Variants in ATF7IP2 observed in about 807,000 individuals in gnomAD.
ATF7IP2 encodes activating transcription factor 7 interacting protein 2, also known as activating transcription factor 7-interacting protein 2.
Under a neutral mutation model 64.2 loss-of-function variants are expected in ATF7IP2, and 42 were observed. That is an observed-to-expected ratio of 0.65 (90% CI 0.51 to 0.85). The LOEUF (loss-of-function observed/expected upper bound fraction) is 0.85. Ranked by LOEUF, ATF7IP2 falls within the 40% of genes least tolerant of loss-of-function variation. The probability of loss-of-function intolerance (pLI) is 0.00; values close to 1 mark genes in which losing one functional copy is unlikely to be tolerated. For missense variants in ATF7IP2, 933 were observed against 784.2 expected, an observed-to-expected ratio of 1.19 and a Z score of -2.27; for synonymous variants, 308 against 272.8, an observed-to-expected ratio of 1.13 and a Z score of -1.27.
At chr16:10,441,670 A>G (rs1321819305) in intron 8 of ATF7IP2, among the ~76,000 whole-genome samples, 2 of 152,198 alleles carry the variant, frequency 1.3e-5, no homozygotes, top group Non-Finnish European at 2.9e-5. Context: ...ATAGATTGCA[A>G]AAATTTTCTC....
chr16:10,402,696 T>C (rs2047558780), intron 1 of ATF7IP2, among the ~76,000 whole-genome samples: 1 of 152,100 alleles, frequency 6.6e-6, no homozygotes, highest in Non-Finnish European at 1.5e-5. Context: ...ACTCCTGAGC[T>C]CAAGTGATCC....
chr16:10,461,152 C>T (rs977326539), intron 9 of ATF7IP2, among the ~76,000 whole-genome samples: 3 of 152,016 alleles, frequency 2.0e-5, no homozygotes, highest in Non-Finnish European at 4.4e-5. Flanking sequence ...GATATCATTT[C>T]ATATCAGGTA....
At chr16:10,469,892 TAAA>T (rs34620633) in intron 9 of ATF7IP2, among the ~76,000 whole-genome samples, 34 of 147,038 alleles carry the variant, frequency 2.3e-4, no homozygotes, top group Non-Finnish European at 4.5e-4. Context: ...ATTGAAAGTT[TAAA>T]AAAAAAAAAA....
chr16:10,465,125 T>A (rs1306080848), intron 9 of ATF7IP2, among the ~76,000 whole-genome samples: 1 of 152,192 alleles, frequency 6.6e-6, no homozygotes, highest in Non-Finnish European at 1.5e-5. Flanking sequence ...CCACCACGCC[T>A]GTCCATCCTA....
Position 10,390,372 on chromosome 16 carries a change from G to A in ATF7IP2, c.-242+4250G>A, listed in dbSNP as rs74007078. Among the ~76,000 whole-genome samples, 1,225 of 152,288 alleles carry A rather than the reference G, an allele frequency of 8.0e-3. 18 individuals carry two copies. Among genetic ancestry groups the A allele is most frequent in the African/African-American group, 0.028 (1,145 of 41,562 alleles). ...AATCTACAGGTTAAAAAATTACAAT[G>A]CATCTTAGAGAATATTGGATAAATA... On this transcript the variant is annotated intron_variant, in intron 1 of 13. Transcript: ENST00000562102.
At chr16:10,414,967 G>A (rs1208899219) in intron 2 of ATF7IP2, among the ~76,000 whole-genome samples, 1 of 152,090 alleles carries the variant, frequency 6.6e-6, no homozygotes, top group Non-Finnish European at 1.5e-5. Flanking sequence ...ACTGATGAAA[G>A]AAATTGAAGA....
At chr16:10,414,409 T>C (rs1010050826) in intron 1 of ATF7IP2, among the ~76,000 whole-genome samples, 165 bp from the exon 2 acceptor site, 3 of 152,034 alleles carry the variant, frequency 2.0e-5, no homozygotes, top group Admixed American at 2.0e-4. Context: ...AATGTGTCCA[T>C]TATTTCCTGA....
Position 10,395,809 on chromosome 16 carries a change from C to T in ATF7IP2, c.-242+9687C>T, listed in dbSNP as rs374873904. On this transcript the variant is annotated intron_variant, in intron 1 of 13. Coordinates refer to ENST00000562102, the MANE Select transcript of ATF7IP2 (RefSeq NM_001393719.1). The stretch of plus-strand genomic sequence containing the variant: ...TAAAAAGCATCTGTAAAAAAACCCA[C>T]GGTTAACATCATAGTGGAGGATTGG... Among the ~76,000 whole-genome samples, 34 of 152,218 alleles carry T rather than the reference C, an allele frequency of 2.2e-4. No homozygotes were observed. The East Asian group carries it at 3.7e-3, about 16-fold the overall frequency.
In ATF7IP2 at chr16:10,412,023, T is replaced by G. The variant is rs1236886523; in HGVS notation, c.-241-2551T>G. Among the ~76,000 whole-genome samples, 42 of 144,856 alleles carry G rather than the reference T, an allele frequency of 2.9e-4. 3 individuals carry two copies. The highest frequency in any genetic ancestry group is 6.5e-4 in the South Asian group (3 of 4,608). On this transcript the variant is annotated intron_variant, in intron 1 of 13. Transcript: ENST00000562102. ...TTATCTTTTTTTGTTTTTTTTTTTT[T>G]TTTTTTTTTTTTTTTTACACTTTTA...
At chr16:10,464,127 T>C (rs997633028) in intron 9 of ATF7IP2, among the ~76,000 whole-genome samples, 1 of 152,204 alleles carries the variant, frequency 6.6e-6, no homozygotes, top group Non-Finnish European at 1.5e-5. Context: ...CACCACAGCT[T>C]TCTAATGTCT....
chr16:10,477,374 A>G lies in ATF7IP2; in HGVS notation c.1549+3385A>G, dbSNP rs1170776321. Among the ~76,000 whole-genome samples the G allele has an allele frequency of 3.3e-5, 5 of 152,190 alleles. No individual in the cohort carries two copies. In the East Asian group the frequency reaches 7.7e-4, roughly 23 times the overall value. On this transcript the variant is annotated intron_variant, in intron 12 of 13. Transcript: ENST00000562102. Reference sequence around the variant, plus strand: ...GGATAAGCTTTTTGATGTGCCAAAAACCACATGATTATCTCAATAGATGCA... The same window carrying G: ...GGATAAGCTTTTTGATGTGCCAAAAGCCACATGATTATCTCAATAGATGCA...
chr16:10,435,609 GGT>G (rs2048395344), intron 6 of ATF7IP2, among the ~76,000 whole-genome samples: 1 of 152,176 alleles, frequency 6.6e-6, no homozygotes, highest in Non-Finnish European at 1.5e-5. Context: ...GTTGCCCCAT[GGT>G]GGGTACTTAG....
chr16:10,389,009 CAA>C (rs777578652), intron 1 of ATF7IP2, among the ~76,000 whole-genome samples: 5 of 118,536 alleles, frequency 4.2e-5, no homozygotes, highest in Admixed American at 8.8e-5. Flanking sequence ...AAGACTGTCT[CAA>C]AAAAAAAAAA....
At chr16:10,466,057 T>TAACA (rs2049558495) in intron 9 of ATF7IP2, among the ~76,000 whole-genome samples, 1 of 152,208 alleles carries the variant, frequency 6.6e-6, no homozygotes, top group Non-Finnish European at 1.5e-5. Flanking sequence ...ATCAGTCTTC[T>TAACA]AACACCATAA....
intron 1 of ATF7IP2, among the ~76,000 whole-genome samples, chr16:10,388,945 G>C (rs934959227): frequency 1.3e-4 from 20 of 152,178 alleles, no homozygotes; most frequent in African/African-American, 4.6e-4. Context: ...CCGGGAGGCG[G>C]AGCTTGCAGT....
chr16:10,398,124 C>T (rs71379089), intron 1 of ATF7IP2, among the ~76,000 whole-genome samples: 30,822 of 151,500 alleles, frequency 0.2, 3,555 homozygotes, highest in African/African-American at 0.32. Context: ...GCCAAGATGG[C>T]GAAACCCCAT....
chr16:10,430,766 G>A lies in ATF7IP2; in HGVS notation c.146G>A (p.Gly49Asp). The A allele has an allele frequency of 1.2e-6, 2 of 1,610,806 alleles. No individual in the cohort carries two copies. The highest frequency in any genetic ancestry group is 1.7e-6 in the Non-Finnish European group (2 of 1,179,278). The change falls in exon 5 of 14, where the codon GGT becomes GAT. Residue 49 changes from glycine to aspartate, a missense_variant. Gly to Asp is a moderately conservative substitution (Grantham distance 94, BLOSUM62 -1). Transcript: ENST00000562102. ...GCAATTGGGAGTAATGTTCCAAGCGGTAATCAGAGTTTCAGTCCTAGTGTC... is the reference window on the plus strand; with the variant it reads ...GCAATTGGGAGTAATGTTCCAAGCGATAATCAGAGTTTCAGTCCTAGTGTC... ...KTAIGSNVPS[G>D]NQSFSPSVIT... is the part of the protein sequence containing the mutation.
chr16:10,386,390 T>G (rs1450442302), intron 1 of ATF7IP2: 1 of 152,290 alleles, frequency 6.6e-6, no homozygotes. Context: ...CGGCCTCAGG[T>G]CCGGGCGGCA....
At chr16:10,453,433 A>G (rs1310647668) in intron 8 of ATF7IP2, among the ~76,000 whole-genome samples, 9 of 152,246 alleles carry the variant, frequency 5.9e-5, no homozygotes, top group South Asian at 4.1e-4. Flanking sequence ...ACTAGTCCCA[A>G]TGAGATGAAC....
Sources: allele counts gnomAD v4.1 joint callset (sites outside exome capture counted in the v4.1 genomes callset), GRCh38; gene constraint gnomAD v4.1.1; transcripts MANE v1.5; gene names NCBI Gene and HGNC (gene_info 2026-07-23, HGNC 2026-07-21).